FHIT: variants seen among roughly 807,000 people sequenced by gnomAD.
The protein encoded by FHIT is bis(5'-adenosyl)-triphosphatase.
FHIT carries 19 observed loss-of-function variants against 17.9 expected under a neutral mutation model. That is an observed-to-expected ratio of 1.06 (90% CI 0.74 to 1.56). FHIT has a LOEUF of 1.56. Ranked by LOEUF, FHIT falls within the 40% of genes most tolerant of loss-of-function variation. The pLI is 0.00. For synonymous variants in FHIT, 81 were observed against 69.7 expected (o/e 1.16, Z -0.81); for missense variants, 248 against 189.2 (o/e 1.31, Z -1.82).
chr3:60,262,857 TA>T lies in FHIT; in HGVS notation c.104-248706del, dbSNP rs958345501. Among the ~76,000 whole-genome samples the T allele has an allele frequency of 2.2e-3, 311 of 143,738 alleles. 2 individuals carry two copies. The highest frequency in any genetic ancestry group is 5.1e-3 in the Admixed American group (73 of 14,374). The allele number at this position is 143,738 out of a possible 152,430, so 94.3% of individuals were successfully genotyped here. The stretch of plus-strand genomic sequence containing the variant: ...CATATAAAGTACAAAGAAAAAAAGA[TA>T]AAAAAAAAAGACTTGGATTTGAAGA... On this transcript the variant is annotated intron_variant, in intron 5 of 9. Transcript: ENST00000492590.
intron 5 of FHIT, among the ~76,000 whole-genome samples, chr3:60,410,067 A>G (rs1010062241): frequency 6.6e-6 from 1 of 152,206 alleles, no homozygotes; most frequent in African/African-American, 2.4e-5. Flanking sequence ...AAAATACAGG[A>G]TAATTCAGAA....
chr3:61,080,375 A>T (rs932832099), intron 2 of FHIT, among the ~76,000 whole-genome samples: 3 of 152,178 alleles, frequency 2.0e-5, no homozygotes, highest in African/African-American at 7.2e-5. Context: ...TGCCCTCAGA[A>T]TTATTAGAGC....
At chr3:60,402,277 G>A (rs1439988112) in intron 5 of FHIT, among the ~76,000 whole-genome samples, 1 of 152,160 alleles carries the variant, frequency 6.6e-6, no homozygotes, top group Non-Finnish European at 1.5e-5. Flanking sequence ...GCAGTCAGTT[G>A]CAAAACAGGG....
intron 5 of FHIT, among the ~76,000 whole-genome samples, chr3:60,102,574 C>T (rs1671183276): frequency 6.6e-6 from 1 of 151,932 alleles, no homozygotes; most frequent in African/African-American, 2.4e-5. Context: ...AAGTAAGCAT[C>T]TGTAAATCCA....
intron 5 of FHIT, among the ~76,000 whole-genome samples, chr3:60,333,385 A>ATACAGT (rs2106863719): frequency 6.6e-6 from 1 of 152,344 alleles, no homozygotes; most frequent in Admixed American, 6.5e-5. Flanking sequence ...CAAGAAGTAG[A>ATACAGT]TACAGTTAGT....
rs540191975 is a variant in FHIT, at chr3:60,832,244, A to G, written c.-110-10233T>C. 7.2e-5 allele frequency among the ~76,000 whole-genome samples: 11 copies of G among 152,220 alleles called. No homozygotes were observed. In the East Asian group the frequency reaches 2.1e-3, roughly 29 times the overall value. ...TACAATTAGATAAAAAGAAAAAAAA[A>G]GAGTTCTATTGTTTTGATTCCTGTT... is the stretch of plus-strand genomic sequence containing the variant. On this transcript the variant is annotated intron_variant, in intron 3 of 9. Coordinates refer to ENST00000492590, the MANE Select transcript of FHIT (RefSeq NM_002012.4).
At chr3:60,183,365 T>C (rs1702023927) in intron 5 of FHIT, among the ~76,000 whole-genome samples, 1 of 152,016 alleles carries the variant, frequency 6.6e-6, no homozygotes. Context: ...ACCAGTGCAC[T>C]CAAATCTGGG....
At chr3:61,227,639 T>A (rs1046040718) in intron 1 of FHIT, among the ~76,000 whole-genome samples, 2 of 152,144 alleles carry the variant, frequency 1.3e-5, no homozygotes, top group African/African-American at 4.8e-5. Context: ...AAGAAAAAGG[T>A]TCTTTTTCTC....
chr3:60,539,623 G>A (rs2036113477), intron 4 of FHIT, among the ~76,000 whole-genome samples: 1 of 152,176 alleles, frequency 6.6e-6, no homozygotes, highest in Non-Finnish European at 1.5e-5. Context: ...AAAAAAGGAT[G>A]AGTTCATGTC....
intron 8 of FHIT, among the ~76,000 whole-genome samples, chr3:59,860,949 C>CT (rs978173433): frequency 2.6e-5 from 4 of 152,108 alleles, no homozygotes; most frequent in African/African-American, 9.7e-5. Flanking sequence ...CGAAAGATCT[C>CT]TTTTTTTCCT....
At chr3:60,359,445 T>A (rs192319953) in intron 5 of FHIT, among the ~76,000 whole-genome samples, 26 of 152,094 alleles carry the variant, frequency 1.7e-4, no homozygotes, top group African/African-American at 6.0e-4. Context: ...CATGTCCAGC[T>A]AATTTTTGTA....
chr3:59,797,346 C>CT (rs1182862932), intron 8 of FHIT, among the ~76,000 whole-genome samples: 1 of 152,048 alleles, frequency 6.6e-6, no homozygotes, highest in Non-Finnish European at 1.5e-5. Context: ...ACCACCATGC[C>CT]TGGCTAATTT....
intron 4 of FHIT, among the ~76,000 whole-genome samples, chr3:60,539,102 A>AG (rs1201275542): frequency 6.6e-6 from 1 of 152,182 alleles, no homozygotes; most frequent in East Asian, 1.9e-4. Context: ...CAAGAAAAAA[A>AG]CAAACAACCC....
At chr3:59,792,585 A>G (rs1052464381) in intron 8 of FHIT, among the ~76,000 whole-genome samples, 88 of 152,182 alleles carry the variant, frequency 5.8e-4, no homozygotes, top group Admixed American at 2.9e-3. Context: ...GTAAAACAGG[A>G]CTATACTGCC....
chr3:60,229,444 GA>G (rs1171651978), intron 5 of FHIT, among the ~76,000 whole-genome samples: 3 of 149,574 alleles, frequency 2.0e-5, no homozygotes, highest in African/African-American at 7.4e-5. Flanking sequence ...AAAAGAAAAA[GA>G]AAAGAAAAGA....
intron 8 of FHIT, among the ~76,000 whole-genome samples, chr3:59,785,037 G>T (rs555553365): frequency 6.6e-6 from 1 of 151,942 alleles, no homozygotes; most frequent in South Asian, 2.1e-4. Flanking sequence ...CACATGGCCC[G>T]AGCAACAAGA....
chr3:61,190,681 C>G (rs541337411), intron 2 of FHIT, among the ~76,000 whole-genome samples: 1 of 152,256 alleles, frequency 6.6e-6, no homozygotes, highest in South Asian at 2.1e-4. Flanking sequence ...GGAACCGACC[C>G]AAATGCCCAA....
At chr3:60,807,669 T>A (rs145338217) in intron 4 of FHIT, among the ~76,000 whole-genome samples, 14 of 152,280 alleles carry the variant, frequency 9.2e-5, no homozygotes, top group African/African-American at 3.1e-4. Flanking sequence ...TCCTGACTGA[T>A]CATTGCTGGC....
chr3:61,065,268 AACACACACAC>A (rs57357848), intron 2 of FHIT, among the ~76,000 whole-genome samples: 3 of 148,338 alleles, frequency 2.0e-5, no homozygotes, highest in East Asian at 2.0e-4. Flanking sequence ...AGTCATTTTC[AACACACACAC>A]ACACACACAC....
Sources: allele counts gnomAD v4.1 joint callset (sites outside exome capture counted in the v4.1 genomes callset), GRCh38; gene constraint gnomAD v4.1.1; transcripts MANE v1.5; gene names NCBI Gene and HGNC (gene_info 2026-07-23, HGNC 2026-07-21).